The following TTC7B variants were observed in gnomAD, a reference collection of about 807,000 sequenced individuals.
TTC7B encodes tetratricopeptide repeat domain 7B, also known as tetratricopeptide repeat protein 7B.
Under a neutral mutation model 106.8 loss-of-function variants are expected in TTC7B, and 28 were observed. That is an observed-to-expected ratio of 0.26 (90% confidence interval 0.19 to 0.36). TTC7B has a LOEUF of 0.36. Among genes scored for constraint, TTC7B ranks in the 10% least tolerant of loss-of-function variants. TTC7B has a pLI of 1.00. For synonymous variants in TTC7B, 405 were observed against 430.6 expected (o/e 0.94, Z 0.74); for missense variants, 862 against 1,076.4 (o/e 0.80, Z 2.79).
intron 9 of TTC7B, among the ~76,000 whole-genome samples, chr14:90,668,061 G>C (rs1391722200): frequency 2.0e-5 from 3 of 150,608 alleles, no homozygotes; most frequent in African/African-American, 7.4e-5. Context: ...CCTTGGCTCT[G>C]TTGTAATACT....
rs118012709 is a variant in TTC7B, at chr14:90,544,379, G to A, written c.2311-2790C>T. Among the ~76,000 whole-genome samples, 155 of 152,324 alleles carry A rather than the reference G, an allele frequency of 1.0e-3. 1 individual carries two copies. The East Asian group carries it at 0.025, about 24-fold the overall frequency. On this transcript the variant is annotated intron_variant, in intron 19 of 19. Coordinates refer to ENST00000328459, the MANE Select transcript of TTC7B (RefSeq NM_001010854.2). Reference sequence around the variant, plus strand: ...AAGGTTCCGGGGTGGCCAAACAGCCGAGGGTAGCTGGCCACTGCAGAGCCA... The same window carrying A: ...AAGGTTCCGGGGTGGCCAAACAGCCAAGGGTAGCTGGCCACTGCAGAGCCA...
At chr14:90,777,837 C>G (rs1179236644) in intron 3 of TTC7B, among the ~76,000 whole-genome samples, 1 of 152,188 alleles carries the variant, frequency 6.6e-6, no homozygotes, top group African/African-American at 2.4e-5. Context: ...ACTTCTAGTC[C>G]CTCAGGGCCC....
intron 15 of TTC7B, chr14:90,642,511 C>G (rs1885225834): frequency 6.6e-6 from 1 of 152,336 alleles, no homozygotes; most frequent in Admixed American, 6.5e-5. Flanking sequence ...TCCCCAACCC[C>G]AAGCAGTCCC....
At chr14:90,590,265 T>C (rs1794241278) in intron 18 of TTC7B, among the ~76,000 whole-genome samples, 1 of 152,196 alleles carries the variant, frequency 6.6e-6, no homozygotes, top group Admixed American at 6.5e-5. Context: ...AGGTGTCCTA[T>C]TCACTATCTC....
intron 12 of TTC7B, 33 bp downstream of exon 12, chr14:90,654,960 G>T: frequency 6.6e-7 from 1 of 1,506,274 alleles, no homozygotes; most frequent in Non-Finnish European, 9.2e-7. Context: ...CAGCCCTGCA[G>T]CTCAGCAGCT....
intron 9 of TTC7B, among the ~76,000 whole-genome samples, chr14:90,659,230 T>A (rs867104620): frequency 6.6e-4 from 97 of 146,956 alleles, no homozygotes; most frequent in East Asian, 1.2e-3. Context: ...TGTGTGTGTG[T>A]GAGAGAGAGA....
chr14:90,625,663 C>A (rs1884407856), intron 15 of TTC7B, among the ~76,000 whole-genome samples: 1 of 152,178 alleles, frequency 6.6e-6, no homozygotes, highest in Non-Finnish European at 1.5e-5. Context: ...CCCCGAGGCC[C>A]CTCTGGCAAC....
At chr14:90,565,690 G>C (rs1263393347) in intron 19 of TTC7B, among the ~76,000 whole-genome samples, 1 of 151,898 alleles carries the variant, frequency 6.6e-6, no homozygotes, top group Non-Finnish European at 1.5e-5. Context: ...ATGAGCCACC[G>C]CGCCTGGCCA....
rs1159237960 is a variant in TTC7B at position 90,541,098 on chromosome 14, A to G, written c.*270T>C. Reference sequence around the variant, plus strand: ...TCCATAATCATTTTACTGAAAACTCAGATGTCAACTAACAAAATATGGCAC... The same window carrying G: ...TCCATAATCATTTTACTGAAAACTCGGATGTCAACTAACAAAATATGGCAC... On this transcript the variant is annotated 3_prime_UTR_variant, in exon 20 of 20. Coordinates refer to ENST00000328459, the MANE Select transcript of TTC7B (RefSeq NM_001010854.2). 1 of 401,522 alleles carries G rather than the reference A, an allele frequency of 2.5e-6. No homozygotes were observed. The highest frequency in any genetic ancestry group is 2.0e-5 in the African/African-American group (1 of 49,518). The allele number at this position is 401,522 out of a possible 1,614,324, so 24.9% of individuals were successfully genotyped here.
chr14:90,590,828 T>C (rs910441025), intron 18 of TTC7B, among the ~76,000 whole-genome samples: 1 of 152,218 alleles, frequency 6.6e-6, no homozygotes, highest in African/African-American at 2.4e-5. Context: ...AAGATCCTAA[T>C]TGACTTCATT....
intron 19 of TTC7B, among the ~76,000 whole-genome samples, chr14:90,542,589 C>T (rs1197005999): frequency 6.6e-6 from 1 of 152,196 alleles, no homozygotes; most frequent in Non-Finnish European, 1.5e-5. Flanking sequence ...CAGACATGAA[C>T]ATCTTTCCAG....
chr14:90,738,764 A>G (rs1220245604), intron 4 of TTC7B, among the ~76,000 whole-genome samples: 1 of 152,252 alleles, frequency 6.6e-6, no homozygotes, highest in East Asian at 1.9e-4. Flanking sequence ...GCGTGGAAGC[A>G]TTATTTACAA....
At position 90,808,720 on chromosome 14, in the gene TTC7B, C is replaced by T. The variant is rs2140063655; in HGVS notation, c.121+7455G>A. On this transcript the variant is annotated intron_variant, in intron 1 of 19. Transcript: ENST00000328459. This position sits in a 1 kb window ranked among gnomAD's most constrained non-coding sequence, Gnocchi z 4.2. ...TTTGAGGTCTCAGAAAACCTCATCC[C>T]TCTTCCTGGGCTTCCCAGGTGGGAG... Among the ~76,000 whole-genome samples, 1 of 152,342 alleles carries T rather than the reference C, an allele frequency of 6.6e-6. No individual in the cohort carries two copies. Among genetic ancestry groups the T allele is most frequent in the East Asian group, 1.9e-4 (1 of 5,194 alleles).
intron 3 of TTC7B, among the ~76,000 whole-genome samples, chr14:90,752,226 C>T (rs1464327917): frequency 6.6e-6 from 1 of 152,122 alleles, no homozygotes; most frequent in Admixed American, 6.5e-5. Flanking sequence ...CCTTTCACAT[C>T]AAGATTAAGG....
Position 90,525,986 on chromosome 14 carries a change from A to T in TTC7B, c.*15382T>A, listed in dbSNP as rs535537312. Reference sequence around the variant, plus strand: ...AAATAAAAAAAAATAAAAAAAATAAAAAAAAAAAAGAAGTCTTTGTATTTT... The same window carrying T: ...AAATAAAAAAAAATAAAAAAAATAATAAAAAAAAAGAAGTCTTTGTATTTT... On this transcript the variant is annotated 3_prime_UTR_variant, in exon 20 of 20. Coordinates refer to ENST00000328459, the MANE Select transcript of TTC7B (RefSeq NM_001010854.2). 28 of 143,178 alleles carry T rather than the reference A, an allele frequency of 2.0e-4. 3 individuals are homozygous for T. Among genetic ancestry groups the T allele is most frequent in the African/African-American group, 4.3e-4 (17 of 39,330 alleles). 8.9% of individuals were successfully genotyped at this position (143,178 alleles called of 1,614,324 possible).
At chr14:90,604,809 G>T (rs1892572315) in intron 17 of TTC7B, among the ~76,000 whole-genome samples, 1 of 152,148 alleles carries the variant, frequency 6.6e-6, no homozygotes, top group South Asian at 2.1e-4. Flanking sequence ...CTTTCTTGTT[G>T]CTGTTCATGG....
chr14:90,744,350 A>G (rs1482422486), intron 4 of TTC7B, among the ~76,000 whole-genome samples: 1 of 151,950 alleles, frequency 6.6e-6, no homozygotes, highest in Admixed American at 6.6e-5. Flanking sequence ...GTTTTGCTCA[A>G]TGGCCCAGGC....
At chr14:90,579,101 G>A (rs1033551091) in intron 18 of TTC7B, among the ~76,000 whole-genome samples, 1 of 152,142 alleles carries the variant, frequency 6.6e-6, no homozygotes, top group African/African-American at 2.4e-5. Context: ...CACACTTGTC[G>A]AATATCCAGG....
rs1279725616 is a variant in TTC7B, at chr14:90,657,050, C to T, written c.1341+124G>A. 3 of 835,312 alleles carry T rather than the reference C, an allele frequency of 3.6e-6. No homozygotes were observed. Among genetic ancestry groups the T allele is most frequent in the Admixed American group, 2.5e-5 (1 of 39,714 alleles). 51.7% of individuals were successfully genotyped at this position (835,312 alleles called of 1,614,324 possible). A position where few individuals can be genotyped will look rare whatever the true frequency, so the allele number is the denominator to read the frequency against. ...CAGGCCCAGGGTCCGTGGCTCTACA[C>T]AGTCTTGTCTTTGTACAGCTGATGA... On this transcript the variant is annotated intron_variant, in intron 11 of 19. Transcript: ENST00000328459. This position sits in a 1 kb window ranked among gnomAD's most constrained non-coding sequence, Gnocchi z 4.2.
Sources: allele counts gnomAD v4.1 joint callset (sites outside exome capture counted in the v4.1 genomes callset), GRCh38; gene constraint gnomAD v4.1.1; non-coding constraint Gnocchi (gnomAD v3.1); transcripts MANE v1.5; gene names NCBI Gene and HGNC (gene_info 2026-07-23, HGNC 2026-07-21).